The following ZNF804B variants were observed in gnomAD, a reference collection of about 807,000 sequenced individuals.
ZNF804B encodes zinc finger protein 804B, also known as zinc finger 804B.
Under a neutral mutation model 101.4 loss-of-function variants are expected in ZNF804B, and 80 were observed. The observed-to-expected ratio is 0.79, with a 90% CI of 0.66 to 0.95. ZNF804B has a LOEUF of 0.95. Among genes scored for constraint, ZNF804B ranks in the 40% least tolerant of loss-of-function variants. The pLI is 0.00. For synonymous variants in ZNF804B, 622 were observed against 558.8 expected (o/e 1.11, Z -1.59); for missense variants, 1,673 against 1,561.9 (o/e 1.07, Z -1.20).
At chr7:89,011,101 C>T (rs1340021194) in intron 1 of ZNF804B, among the ~76,000 whole-genome samples, 1 of 152,096 alleles carries the variant, frequency 6.6e-6, no homozygotes, top group Non-Finnish European at 1.5e-5. Flanking sequence ...TGGCAGAAGG[C>T]ACCTCTTCAC....
At chr7:88,988,840 A>G (rs1402176796) in intron 1 of ZNF804B, among the ~76,000 whole-genome samples, 2 of 152,146 alleles carry the variant, frequency 1.3e-5, no homozygotes, top group East Asian at 3.9e-4. Context: ...AAACGAATTC[A>G]TGCAAGAAGG....
At chr7:89,310,552 T>C (rs1172844850) in intron 2 of ZNF804B, among the ~76,000 whole-genome samples, 1 of 152,140 alleles carries the variant, frequency 6.6e-6, no homozygotes, top group Admixed American at 6.6e-5. Flanking sequence ...ATTAAGGAAA[T>C]TGCAAAAACC....
At position 89,038,526 on chromosome 7, in the gene ZNF804B, A is replaced by G. The variant is rs1451199411; in HGVS notation, c.109-179629A>G. ...TAGTTGGGTTATTTGTTTTCTTGCT[A>G]TTGGATTGTTTGAGTTCCGTATGTA... On this transcript the variant is annotated intron_variant, in intron 1 of 3. Coordinates refer to ENST00000333190, the MANE Select transcript of ZNF804B (RefSeq NM_181646.5). Among the ~76,000 whole-genome samples the G allele has an allele frequency of 2.6e-5, 4 of 152,108 alleles. 1 individual carries two copies. The highest frequency in any genetic ancestry group is 9.6e-5 in the African/African-American group (4 of 41,518).
At chr7:88,954,750 T>G (rs991564384) in intron 1 of ZNF804B, among the ~76,000 whole-genome samples, 1 of 151,758 alleles carries the variant, frequency 6.6e-6, no homozygotes, top group African/African-American at 2.4e-5. Flanking sequence ...TGATAATATT[T>G]CAGCTTTGCT....
intron 2 of ZNF804B, among the ~76,000 whole-genome samples, chr7:89,282,702 C>T (rs1272510142): frequency 1.3e-5 from 2 of 152,026 alleles, no homozygotes; most frequent in Non-Finnish European, 1.5e-5. Flanking sequence ...TAAAATATGT[C>T]CTTATAATAA....
intron 2 of ZNF804B, among the ~76,000 whole-genome samples, chr7:89,262,538 G>T (rs1027501532): frequency 6.6e-6 from 1 of 152,312 alleles, no homozygotes; most frequent in Admixed American, 6.5e-5. Flanking sequence ...TAAGTATTAT[G>T]TAAGTGCTTG....
chr7:88,815,840 A>C (rs945011171), intron 1 of ZNF804B, among the ~76,000 whole-genome samples: 1 of 151,882 alleles, frequency 6.6e-6, no homozygotes, highest in Admixed American at 6.6e-5. Context: ...TAACCTGCTC[A>C]TGCTCTGTCA....
intron 1 of ZNF804B, among the ~76,000 whole-genome samples, chr7:89,023,495 G>A (rs1344100): frequency 0.72 from 109,436 of 152,124 alleles, 40,030 homozygotes; most frequent in African/African-American, 0.86. Context: ...TGTCTAAACT[G>A]TAGATGGCAT....
At chr7:89,100,297 T>C (rs1790035423) in intron 1 of ZNF804B, among the ~76,000 whole-genome samples, 2 of 152,080 alleles carry the variant, frequency 1.3e-5, no homozygotes, top group Non-Finnish European at 2.9e-5. Flanking sequence ...TCACTTACCA[T>C]TTATAAAAAT....
chr7:88,857,529 C>T (rs568656503), intron 1 of ZNF804B, among the ~76,000 whole-genome samples: 1 of 152,074 alleles, frequency 6.6e-6, no homozygotes, highest in Non-Finnish European at 1.5e-5. Context: ...TGGATAAATT[C>T]CTGGACACCT....
intron 1 of ZNF804B, among the ~76,000 whole-genome samples, chr7:88,818,883 A>G (rs1790928220): frequency 6.6e-6 from 1 of 152,120 alleles, no homozygotes; most frequent in African/African-American, 2.4e-5. Flanking sequence ...TATTAGATGA[A>G]ATTGCTGGTC....
chr7:88,977,856 GT>G (rs1271588227), intron 1 of ZNF804B, among the ~76,000 whole-genome samples: 1 of 150,500 alleles, frequency 6.6e-6, no homozygotes, highest in Non-Finnish European at 1.5e-5. Flanking sequence ...TTTTTTTAAT[GT>G]TTGCCCTTAT....
chr7:89,177,866 C>T (rs973352763), intron 1 of ZNF804B, among the ~76,000 whole-genome samples: 2 of 151,354 alleles, frequency 1.3e-5, no homozygotes, highest in African/African-American at 4.9e-5. Context: ...ACCTGGGAGG[C>T]AGAGCTTACA....
chr7:88,830,042 C>T (rs547382619), intron 1 of ZNF804B, among the ~76,000 whole-genome samples: 101 of 152,136 alleles, frequency 6.6e-4, no homozygotes, highest in South Asian at 4.6e-3. Flanking sequence ...TTTCTACTGA[C>T]GTTTTGCCAT....
At chr7:89,181,999 A>G (rs576876832) in intron 1 of ZNF804B, among the ~76,000 whole-genome samples, 1 of 152,300 alleles carries the variant, frequency 6.6e-6, no homozygotes, top group East Asian at 1.9e-4. Flanking sequence ...TAATATTTCA[A>G]CCTGTAATCT....
At chr7:89,327,224 A>T in intron 2 of ZNF804B, 120 bp from the exon 3 acceptor site, 1 of 868,714 alleles carries the variant, frequency 1.2e-6, no homozygotes, top group Non-Finnish European at 1.6e-6. Context: ...AGATACTTTT[A>T]CTCTTTCTGC....
At chr7:89,074,613 G>A (rs1789588908) in intron 1 of ZNF804B, among the ~76,000 whole-genome samples, 1 of 152,124 alleles carries the variant, frequency 6.6e-6, no homozygotes, top group Admixed American at 6.6e-5. Flanking sequence ...CCAGTCTCTG[G>A]TATGTCTTTA....
chr7:89,138,101 A>T (rs1295600634), intron 1 of ZNF804B, among the ~76,000 whole-genome samples: 1 of 152,148 alleles, frequency 6.6e-6, no homozygotes, highest in Non-Finnish European at 1.5e-5. Flanking sequence ...ATTTCAGAGG[A>T]TGTATGGAAA....
intron 1 of ZNF804B, among the ~76,000 whole-genome samples, chr7:88,837,951 T>G (rs1477333114): frequency 6.6e-6 from 1 of 151,754 alleles, no homozygotes; most frequent in Non-Finnish European, 1.5e-5. Flanking sequence ...ATATAATACA[T>G]GTATTATTGT....
Sources: gnomAD v4.1 joint callset for allele counts (sites outside exome capture counted in the v4.1 genomes callset) on GRCh38, gnomAD v4.1.1 for gene constraint, MANE v1.5 for transcripts, NCBI Gene and HGNC (gene_info 2026-07-23, HGNC 2026-07-21) for gene names.